The following AKAP13 variants were observed in gnomAD, a reference collection of about 807,000 sequenced individuals.
The protein encoded by AKAP13 is A-kinase anchor protein 13.
In AKAP13, 80 loss-of-function variants were observed where a neutral mutation model predicts 264.5. That is an observed-to-expected ratio of 0.30 (90% CI 0.25 to 0.36). AKAP13 has a LOEUF of 0.36. Among genes scored for constraint, AKAP13 ranks in the 10% least tolerant of loss-of-function variants. The pLI, the probability that AKAP13 is intolerant of heterozygous loss-of-function variation, is 1.00. For synonymous variants in AKAP13, 1,380 were observed against 1,250.2 expected (o/e 1.10, Z -2.19); for missense variants, 3,712 against 3,435.2 (o/e 1.08, Z -2.01).
At chr15:85,725,439 A>T (rs2151737626) in intron 26 of AKAP13, among the ~76,000 whole-genome samples, 1 of 152,284 alleles carries the variant, frequency 6.6e-6, no homozygotes, top group Non-Finnish European at 1.5e-5. Flanking sequence ...TTAAAAAAAA[A>T]ACTTTTTCAT....
At chr15:85,649,934 G>C (rs2082725890) in intron 10 of AKAP13, among the ~76,000 whole-genome samples, 1 of 152,024 alleles carries the variant, frequency 6.6e-6, no homozygotes. Flanking sequence ...CCAAAGAGAG[G>C]TAAATCAAGG....
chr15:85,630,725 AAAAG>A (rs1239141129), intron 8 of AKAP13, among the ~76,000 whole-genome samples: 1 of 152,238 alleles, frequency 6.6e-6, no homozygotes, highest in Non-Finnish European at 1.5e-5. Flanking sequence ...TCCATTAAAA[AAAAG>A]AAACTCAGGA....
intron 4 of AKAP13, among the ~76,000 whole-genome samples, chr15:85,541,716 A>G (rs2077586358): frequency 6.6e-6 from 1 of 152,244 alleles, no homozygotes; most frequent in Non-Finnish European, 1.5e-5. Flanking sequence ...CAGACCTCAT[A>G]GGGTTACTGA....
chr15:85,448,826 A>G lies in AKAP13; in HGVS notation c.-11-36884A>G, dbSNP rs551972960. 3.4e-5 allele frequency among the ~76,000 whole-genome samples: 5 copies of G among 147,344 alleles called. No homozygotes were observed. The South Asian group carries it at 8.5e-4, about 25-fold the overall frequency. On this transcript the variant is annotated intron_variant, in intron 1 of 36. Coordinates refer to ENST00000394518, the MANE Select transcript of AKAP13 (RefSeq NM_007200.5). ...TCTTCCAGCTTTGTTCTTTTTGCTAAGGATTGCCTTGGCTATTCAGGCTTT... is the reference window on the plus strand; with the variant it reads ...TCTTCCAGCTTTGTTCTTTTTGCTAGGGATTGCCTTGGCTATTCAGGCTTT...
At chr15:85,449,698 CT>C (rs1363245064) in intron 1 of AKAP13, among the ~76,000 whole-genome samples, 1 of 151,952 alleles carries the variant, frequency 6.6e-6, no homozygotes, top group Admixed American at 6.6e-5. Flanking sequence ...TTTTATTAGT[CT>C]GTTTATGTGA....
At chr15:85,592,046 CTTTTTTTTTT>C (rs386383662) in intron 8 of AKAP13, among the ~76,000 whole-genome samples, 45 of 105,278 alleles carry the variant, frequency 4.3e-4, no homozygotes, top group African/African-American at 1.6e-3. Context: ...GAACCATGAT[CTTTTTTTTTT>C]TTTTTTTTTT....
rs781478383 is a variant in AKAP13, at chr15:85,741,115, C to A, written c.7678C>A (p.Arg2560Ser). The A allele has an allele frequency of 2.5e-6, 4 of 1,613,652 alleles. No homozygotes were observed. Among genetic ancestry groups the A allele is most frequent in the Non-Finnish European group, 1.7e-6 (2 of 1,179,854 alleles). Reference sequence around the variant, plus strand: ...GGTGCTGAGCGAGAGGGCGCTCACTCGCAGCTTGTCCCGCCCGAGCTCCCT... The same window carrying A: ...GGTGCTGAGCGAGAGGGCGCTCACTAGCAGCTTGTCCCGCCCGAGCTCCCT... ...KLVLSERALT[R>S]SLSRPSSLIE... is the part of the protein sequence containing the mutation. The change falls in exon 35 of 37, where the codon CGC becomes AGC. Residue 2560 changes from arginine (R) to serine (S), a missense_variant. Arg to Ser is a moderately radical substitution (Grantham distance 110, BLOSUM62 -1). This residue lies in a region of AKAP13 where 611 missense variants were observed against 539.3 expected (regional missense o/e 1.13). Transcript: ENST00000394518.
chr15:85,568,277 G>A (rs1296877463), intron 5 of AKAP13, among the ~76,000 whole-genome samples: 2 of 151,384 alleles, frequency 1.3e-5, no homozygotes, highest in East Asian at 1.9e-4. Context: ...TCCAGCATGA[G>A]TGACCCTCTA....
intron 1 of AKAP13, among the ~76,000 whole-genome samples, chr15:85,477,410 G>C (rs913600934): frequency 6.6e-5 from 10 of 151,908 alleles, no homozygotes; most frequent in African/African-American, 2.4e-4. Context: ...AGAAACTCCA[G>C]AGGCTGGTGT....
At chr15:85,506,891 G>A (rs941112466) in intron 2 of AKAP13, among the ~76,000 whole-genome samples, 8 of 152,136 alleles carry the variant, frequency 5.3e-5, no homozygotes, top group East Asian at 3.9e-4. Flanking sequence ...GCCATGGTCC[G>A]TTAGTCCTTG....
Position 85,512,151 on chromosome 15 carries a change from T to C in AKAP13, c.34-9277T>C, listed in dbSNP as rs910479438. On this transcript the variant is annotated intron_variant, in intron 2 of 36. Coordinates refer to ENST00000394518, the MANE Select transcript of AKAP13 (RefSeq NM_007200.5). ...TCTGCCATCTTTATTTACTCAGTTA[T>C]GGAACAACTTCCTAATGCTAGATGG... Among the ~76,000 whole-genome samples the C allele has an allele frequency of 4.8e-4, 73 of 152,320 alleles. 4 individuals are homozygous for C. The highest frequency in any genetic ancestry group is 3.2e-4 in the Non-Finnish European group (22 of 68,030).
At chr15:85,419,831 T>G (rs191602536) in intron 1 of AKAP13, among the ~76,000 whole-genome samples, 54 of 152,308 alleles carry the variant, frequency 3.5e-4, no homozygotes, top group African/African-American at 1.2e-3. Flanking sequence ...GTACCTCATT[T>G]TCTCTGTAAG....
rs2089345506 is a variant in AKAP13, at chr15:85,745,518, G to A, written c.*841G>A. 1 of 152,232 alleles carries A rather than the reference G, an allele frequency of 6.6e-6. No homozygotes were observed. Among genetic ancestry groups the A allele is most frequent in the Non-Finnish European group, 1.5e-5 (1 of 68,046 alleles). The allele number at this position is 152,232 out of a possible 1,614,324, so 9.4% of individuals were successfully genotyped here. On this transcript the variant is annotated 3_prime_UTR_variant, in exon 37 of 37. Coordinates refer to ENST00000394518, the MANE Select transcript of AKAP13 (RefSeq NM_007200.5). ...ATGTTTTGGCCATGGATAAAGTGAA[G>A]AGGCCTACTCACCATTATCCCTGCA...
rs2087063268 is a variant in AKAP13, at chr15:85,718,207, G to A, written c.6001+48G>A. The A allele has an allele frequency of 6.3e-6, 10 of 1,588,472 alleles. No individual in the cohort carries two copies. In the East Asian group the frequency reaches 1.8e-4, roughly 29 times the overall value. On this transcript the variant is annotated intron_variant, in intron 22 of 36. Coordinates refer to ENST00000394518, the MANE Select transcript of AKAP13 (RefSeq NM_007200.5). This position sits in a 1 kb window ranked among gnomAD's most constrained non-coding sequence, Gnocchi z 4.9. Reference sequence around the variant, plus strand: ...GATTATATTTGATTTCCATTGTCCAGCATTTTTAAGCAGTAATTTGTTGGA... The same window carrying A: ...GATTATATTTGATTTCCATTGTCCAACATTTTTAAGCAGTAATTTGTTGGA...
chr15:85,568,796 A>T (rs1036008457), intron 5 of AKAP13, among the ~76,000 whole-genome samples: 1 of 152,230 alleles, frequency 6.6e-6, no homozygotes, highest in Non-Finnish European at 1.5e-5. Flanking sequence ...AAAGAACAAC[A>T]AAAACGTTGT....
chr15:85,709,565 A>G (rs2086509770), intron 18 of AKAP13, among the ~76,000 whole-genome samples: 1 of 152,192 alleles, frequency 6.6e-6, no homozygotes, highest in Non-Finnish European at 1.5e-5. Context: ...GATCTCTGAT[A>G]AGACTCAATT....
intron 1 of AKAP13, among the ~76,000 whole-genome samples, chr15:85,396,763 T>C (rs556913407): frequency 6.6e-6 from 1 of 152,266 alleles, no homozygotes; most frequent in African/African-American, 2.4e-5. Context: ...AGCAGAGTAA[T>C]TGCAGAAATA....
intron 8 of AKAP13, chr15:85,635,192 T>A: frequency 2.5e-6 from 1 of 397,864 alleles, no homozygotes; most frequent in Non-Finnish European, 4.4e-6. Context: ...GCAACAGTAC[T>A]GTGTTCTAGT....
At chr15:85,688,515 A>C (rs1238912076) in intron 16 of AKAP13, among the ~76,000 whole-genome samples, 3 of 152,200 alleles carry the variant, frequency 2.0e-5, no homozygotes, top group African/African-American at 2.4e-5. Context: ...TTATTTGAAA[A>C]TGTCTGCTTT....
Sources: allele counts gnomAD v4.1 joint callset (sites outside exome capture counted in the v4.1 genomes callset), GRCh38; gene constraint gnomAD v4.1.1; regional missense constraint gnomAD v4.1.1; non-coding constraint Gnocchi (gnomAD v3.1); transcripts MANE v1.5; gene names NCBI Gene and HGNC (gene_info 2026-07-23, HGNC 2026-07-21).